LUC7L2: variants seen among roughly 807,000 people sequenced by gnomAD.
LUC7L2 encodes LUC7 like 2, pre-mRNA splicing factor, also known as putative RNA-binding protein Luc7-like 2.
LUC7L2 carries 25 observed loss-of-function variants against 52.8 expected under a neutral mutation model. The ratio of observed to expected loss-of-function variants is 0.47; its 90% confidence interval spans 0.34 to 0.66. The LOEUF is 0.66. Among genes scored for constraint, LUC7L2 ranks in the 30% least tolerant of loss-of-function variants. LUC7L2 has a pLI of 0.01. For synonymous variants in LUC7L2, 144 were observed against 160.9 expected (o/e 0.89, Z 0.80); for missense variants, 328 against 497.8 (o/e 0.66, Z 3.25).
In LUC7L2 at chr7:139,407,303, C is replaced by T; in HGVS notation, c.640C>T (p.Leu214=). Residue 214 remains leucine (L), a synonymous_variant, in exon 6 of 10, where the codon CTG becomes TTG. Transcript: ENST00000354926. ...ACTGGCTGATCATTTTGGGGGTAAACTGCACCTGGGATTTATTGAAATAAG... is the reference window on the plus strand; with the variant it reads ...ACTGGCTGATCATTTTGGGGGTAAATTGCACCTGGGATTTATTGAAATAAG... ...RRLADHFGGK[L]HLGFIEIREK... 1 of 1,609,788 alleles carries T rather than the reference C, an allele frequency of 6.2e-7. No homozygotes were observed. Among genetic ancestry groups the T allele is most frequent in the South Asian group, 1.1e-5 (1 of 90,426 alleles).
chr7:139,365,305 C>T (rs181082221), intron 1 of LUC7L2, among the ~76,000 whole-genome samples: 13 of 152,296 alleles, frequency 8.5e-5, no homozygotes, highest in African/African-American at 3.1e-4. Context: ...GCATATGCTT[C>T]TGAGACATTC....
chr7:139,351,194 C>A (rs1488156216), intron 1 of LUC7L2, among the ~76,000 whole-genome samples: 1 of 152,128 alleles, frequency 6.6e-6, no homozygotes. Context: ...ACCTGTATGT[C>A]CAACGGCCTG....
intron 2 of LUC7L2, among the ~76,000 whole-genome samples, chr7:139,379,685 C>T (rs1366909208): frequency 4.7e-5 from 7 of 149,230 alleles, no homozygotes; most frequent in Admixed American, 2.7e-4. Flanking sequence ...TCTGCCTCAG[C>T]CTCCCGAGTA....
intron 2 of LUC7L2, among the ~76,000 whole-genome samples, chr7:139,396,275 TA>T (rs892978393): frequency 2.5e-4 from 37 of 147,982 alleles, no homozygotes; most frequent in Non-Finnish European, 4.2e-4. Flanking sequence ...TGTCTCTACT[TA>T]AAAAAAAAAA....
upstream of LUC7L2, chr7:139,359,284 A>G (rs1799726970): frequency 6.6e-6 from 1 of 152,568 alleles, no homozygotes; most frequent in South Asian, 2.1e-4. Context: ...TTGTAGGTAA[A>G]GATGAATCCG....
intron 1 of LUC7L2, 26 bp downstream of exon 1, chr7:139,360,348 G>T (rs1161408580): frequency 6.5e-7 from 1 of 1,549,288 alleles, no homozygotes; most frequent in South Asian, 1.2e-5. Context: ...GGCCCTGGGG[G>T]TGGGGGAGGG....
intron 6 of LUC7L2, among the ~76,000 whole-genome samples, chr7:139,408,247 A>G (rs1014214796): frequency 6.6e-6 from 1 of 152,192 alleles, no homozygotes; most frequent in African/African-American, 2.4e-5. Context: ...TTTTTTAAAA[A>G]TTTCGAAAAG....
chr7:139,355,347 AC>A (rs1563252647), upstream of LUC7L2, among the ~76,000 whole-genome samples: 2 of 151,202 alleles, frequency 1.3e-5, no homozygotes, highest in East Asian at 3.9e-4. Flanking sequence ...TTATTTCTAT[AC>A]ATTTTTTTTT....
At chr7:139,416,278 C>G (rs1795612560) in intron 8 of LUC7L2, 1 of 151,546 alleles carries the variant, frequency 6.6e-6, no homozygotes, top group African/African-American at 2.4e-5. Context: ...ACCATGCACC[C>G]CCACCCACCC....
intron 5 of LUC7L2, 89 bp from the exon 6 acceptor site, chr7:139,407,085 C>A (rs1795164835): frequency 6.0e-5 from 63 of 1,042,010 alleles, no homozygotes; most frequent in Middle Eastern, 3.9e-4. Context: ...TTTTAGAAAA[C>A]ACTTTTGGTA....
intron 2 of LUC7L2, among the ~76,000 whole-genome samples, chr7:139,393,958 T>TC (rs1288952588): frequency 6.6e-6 from 1 of 152,182 alleles, no homozygotes; most frequent in African/African-American, 2.4e-5. Flanking sequence ...AGGCCCTTGG[T>TC]CCTAGGGCTT....
At chr7:139,341,721 G>A (rs544723571) in intron 1 of LUC7L2, among the ~76,000 whole-genome samples, 1 of 152,220 alleles carries the variant, frequency 6.6e-6, no homozygotes, top group Non-Finnish European at 1.5e-5. Context: ...ACCAGCGGGG[G>A]GGGGCGCAGA....
intron 1 of LUC7L2, chr7:139,371,552 G>C: frequency 1.4e-6 from 1 of 723,562 alleles, no homozygotes; most frequent in Non-Finnish European, 2.2e-6. Context: ...GAGAGGGTGG[G>C]TAGTACTGGG....
At chr7:139,404,395 G>T (rs952128363) in intron 4 of LUC7L2, among the ~76,000 whole-genome samples, 3 of 152,166 alleles carry the variant, frequency 2.0e-5, no homozygotes, top group Non-Finnish European at 1.5e-5. Flanking sequence ...TGTAATCTCA[G>T]CTACGTGGGA....
intron 2 of LUC7L2, among the ~76,000 whole-genome samples, chr7:139,387,817 A>G (rs1214598865): frequency 6.6e-6 from 1 of 151,934 alleles, no homozygotes; most frequent in Non-Finnish European, 1.5e-5. Context: ...CAGTAGTGTC[A>G]TTATAGCTCA....
At chr7:139,350,769 G>A (rs1799429629) in intron 1 of LUC7L2, among the ~76,000 whole-genome samples, 2 of 151,366 alleles carry the variant, frequency 1.3e-5, no homozygotes, top group African/African-American at 4.9e-5. Flanking sequence ...TCTGCCTTCT[G>A]GGTTCAAGTG....
At position 139,341,599 on chromosome 7, in the gene LUC7L2, C is replaced by T. The variant is rs1238480154; in HGVS notation, c.-26+1082C>T. ...CGGGTCTGGGCTAGGGTGGGGAGCACGGTGTTTAATTCCTGCATTTCTGAG... is the reference window on the plus strand; with the variant it reads ...CGGGTCTGGGCTAGGGTGGGGAGCATGGTGTTTAATTCCTGCATTTCTGAG... On this transcript the variant is annotated intron_variant, in intron 1 of 10. Transcript: ENST00000541170. 9 of 1,552,812 alleles carry T rather than the reference C, an allele frequency of 5.8e-6. No homozygotes were observed. In the African/African-American group the frequency reaches 1.1e-4, roughly 19 times the overall value.
intron 9 of LUC7L2, among the ~76,000 whole-genome samples, chr7:139,421,410 A>G (rs1313686143): frequency 6.6e-6 from 1 of 152,176 alleles, no homozygotes; most frequent in Non-Finnish European, 1.5e-5. Context: ...ATTCCATAAT[A>G]TGTTTGGTTT....
rs1569373508 is a variant in LUC7L2 at position 139,376,073 on chromosome 7, C to T, written c.73C>T (p.Arg25Cys). ...MGTSRDGDTT[R>C]QRIKFSDDRV... ...CTTCTATATTACAGGAGATACAACT[C>T]GTCAACGAATCAAATTCAGTGATGA... Residue 25 changes from arginine to cysteine, a missense_variant, in exon 2 of 10, where the codon CGT becomes TGT. This residue lies in a region of LUC7L2 where 133 missense variants were observed against 274.4 expected (regional missense o/e 0.48). Coordinates refer to ENST00000354926, the MANE Select transcript of LUC7L2 (RefSeq NM_016019.5). The T allele has an allele frequency of 1.2e-6, 2 of 1,613,622 alleles. No homozygotes were observed. Among genetic ancestry groups the T allele is most frequent in the African/African-American group, 1.3e-5 (1 of 74,914 alleles).
Sources: allele counts gnomAD v4.1 joint callset (sites outside exome capture counted in the v4.1 genomes callset), GRCh38; gene constraint gnomAD v4.1.1; regional missense constraint gnomAD v4.1.1; transcripts MANE v1.5; gene names NCBI Gene and HGNC (gene_info 2026-07-23, HGNC 2026-07-21).